Variants in SLC26A4 observed in about 807,000 individuals in gnomAD.
SLC26A4 encodes solute carrier family 26 member 4.
A neutral mutation model predicts 90.4 loss-of-function variants in SLC26A4; 93 were observed. The observed-to-expected ratio is 1.03, with a 90% confidence interval of 0.87 to 1.22. The LOEUF is 1.22. SLC26A4 is among the 50% of genes most tolerant of loss of function. The pLI is 0.00. For missense variants in SLC26A4, 1,127 were observed against 946.2 expected, an observed-to-expected ratio of 1.19 and a Z score of -2.51; for synonymous variants, 393 against 354.6, an observed-to-expected ratio of 1.11 and a Z score of -1.22.
intron 6 of SLC26A4, among the ~76,000 whole-genome samples, chr7:107,675,772 C>A (rs1337281166): frequency 6.6e-6 from 1 of 151,874 alleles, no homozygotes; most frequent in Non-Finnish European, 1.5e-5. Flanking sequence ...CAGGGTTTCA[C>A]CATTTGGGCC....
intron 20 of SLC26A4, among the ~76,000 whole-genome samples, chr7:107,714,463 C>T (rs1003051082): frequency 1.3e-5 from 2 of 152,132 alleles, no homozygotes; most frequent in Non-Finnish European, 2.9e-5. Flanking sequence ...TCTTGGCCCA[C>T]CAGCTTAGTG....
At chr7:107,703,528 T>A (rs1408584671) in intron 17 of SLC26A4, among the ~76,000 whole-genome samples, 2 of 152,240 alleles carry the variant, frequency 1.3e-5, no homozygotes, top group Non-Finnish European at 2.9e-5. Context: ...TTCTTTGTTG[T>A]ACATTTCACT....
chr7:107,664,839 C>A (rs562224902), intron 3 of SLC26A4, among the ~76,000 whole-genome samples: 5 of 152,104 alleles, frequency 3.3e-5, no homozygotes, highest in Admixed American at 1.3e-4. Context: ...ACCCCCAACA[C>A]CCTGACCAAT....
intron 17 of SLC26A4, among the ~76,000 whole-genome samples, chr7:107,702,951 C>A (rs1791938186): frequency 6.6e-6 from 1 of 152,026 alleles, no homozygotes; most frequent in Non-Finnish European, 1.5e-5. Context: ...AAGGTCAAAG[C>A]AAGAGTTGAG....
intron 6 of SLC26A4, among the ~76,000 whole-genome samples, chr7:107,680,251 TATTATATAATCTTATCTTATTATATA>T (rs1791182858): frequency 7.9e-6 from 1 of 126,818 alleles, no homozygotes; most frequent in African/African-American, 3.1e-5. Flanking sequence ...AATATAATCT[TATTATATAATCTTATCTTATTATATA>T]ATATAATCTT....
At chr7:107,706,996 C>T (rs554854213) in intron 18 of SLC26A4, among the ~76,000 whole-genome samples, 18 of 152,124 alleles carry the variant, frequency 1.2e-4, no homozygotes, top group South Asian at 4.1e-4. Flanking sequence ...GGCAAAACGC[C>T]GTTACTACAA....
rs1385727683 is a variant in SLC26A4, at chr7:107,674,346, CA to C, written c.599del (p.Gln200ArgfsTer2). On this transcript the variant is annotated frameshift_variant and splice_region_variant, in exon 5 of 21. Coordinates refer to ENST00000644269, the MANE Select transcript of SLC26A4 (RefSeq NM_000441.2). LOFTEE classifies it high-confidence loss of function. ...SALTLLVGII[Q>X]LIFGGLQIGF... is the part of the protein sequence containing the mutation. Reference sequence around the variant, plus strand: ...CCTGACTCTGCTGGTTGGAATTATACAGGTAATGAACTTACAAGTAAAATAT... The same window carrying C: ...CCTGACTCTGCTGGTTGGAATTATACGGTAATGAACTTACAAGTAAAATAT... The C allele has an allele frequency of 1.2e-6, 2 of 1,606,858 alleles. No individual in the cohort carries two copies. The highest frequency in any genetic ancestry group is 2.7e-5 in the African/African-American group (2 of 74,760).
rs1792376661 is a variant in SLC26A4 at position 107,717,494 on chromosome 7, C to A, written c.*2048C>A. The A allele has an allele frequency of 6.6e-6, 1 of 151,374 alleles. No individual in the cohort carries two copies. The highest frequency in any genetic ancestry group is 2.1e-4 in the South Asian group (1 of 4,770). 9.4% of individuals were successfully genotyped at this position (151,374 alleles called of 1,614,324 possible). ...AAGGAAATGCCAAAGTTACGTTTTA[C>A]AACAAGGCTAGAGTTTGTAAATTCT... On this transcript the variant is annotated 3_prime_UTR_variant, in exon 21 of 21. Transcript: ENST00000644269.
At chr7:107,678,985 C>A (rs1419233947) in intron 6 of SLC26A4, among the ~76,000 whole-genome samples, 1 of 152,052 alleles carries the variant, frequency 6.6e-6, no homozygotes, top group East Asian at 1.9e-4. Flanking sequence ...CCCTCTCCCC[C>A]AAAAAGGTGC....
chr7:107,662,010 C>G (rs371115718), intron 2 of SLC26A4: 1 of 606,416 alleles, frequency 1.6e-6, no homozygotes, highest in South Asian at 2.0e-5. Flanking sequence ...GTCTCGGGCC[C>G]GAAATGAACT....
Position 107,701,205 on chromosome 7 carries a change from A to T in SLC26A4, c.1803+9A>T. The T allele has an allele frequency of 6.6e-7, 1 of 1,519,770 alleles. No individual in the cohort carries two copies. The highest frequency in any genetic ancestry group is 9.1e-7 in the Non-Finnish European group (1 of 1,094,120). 94.1% of individuals were successfully genotyped at this position (1,519,770 alleles called of 1,614,324 possible). ...AATTAAGAGCAACAAAGGTGAGATG[A>T]CATCTTTCTTTTCCCCCTTAAATTA... is the stretch of plus-strand genomic sequence containing the variant. On this transcript the variant is annotated intron_variant, in intron 16 of 20. Coordinates refer to ENST00000644269, the MANE Select transcript of SLC26A4 (RefSeq NM_000441.2).
intron 6 of SLC26A4, among the ~76,000 whole-genome samples, chr7:107,676,058 C>T (rs940909961): frequency 3.8e-4 from 58 of 152,236 alleles, no homozygotes; most frequent in African/African-American, 1.3e-3. Context: ...GGTAAGTGAC[C>T]CTGGATACAT....
intron 6 of SLC26A4, among the ~76,000 whole-genome samples, chr7:107,678,922 T>C (rs1157637151): frequency 6.6e-6 from 1 of 152,226 alleles, no homozygotes; most frequent in African/African-American, 2.4e-5. Flanking sequence ...TAAAATACTT[T>C]ACCTGGAGTG....
chr7:107,694,099 A>G (rs1002073261), intron 10 of SLC26A4, among the ~76,000 whole-genome samples: 1 of 152,130 alleles, frequency 6.6e-6, no homozygotes, highest in Non-Finnish European at 1.5e-5. Flanking sequence ...GCCTGAATGG[A>G]CGCCGAAACC....
rs774036970 is a variant in SLC26A4, at chr7:107,667,087, G to A, written c.304+3652G>A. 2.9e-4 allele frequency among the ~76,000 whole-genome samples: 44 copies of A among 152,264 alleles called. 1 individual carries two copies. Among genetic ancestry groups the A allele is most frequent in the Non-Finnish European group, 5.1e-4 (35 of 68,018 alleles). The stretch of plus-strand genomic sequence containing the variant: ...TCATTTATCTAAATGGCAAAGACAG[G>A]CTGAGGAGCAGGTTTGGGATAGGAA... On this transcript the variant is annotated intron_variant, in intron 3 of 20. Coordinates refer to ENST00000644269, the MANE Select transcript of SLC26A4 (RefSeq NM_000441.2).
chr7:107,662,849 T>C (rs760078833), intron 2 of SLC26A4, among the ~76,000 whole-genome samples: 1 of 152,232 alleles, frequency 6.6e-6, no homozygotes, highest in African/African-American at 2.4e-5. Flanking sequence ...ACATTCCTCA[T>C]GCTAAGATTT....
chr7:107,715,814 G>A lies in SLC26A4; in HGVS notation c.*368G>A, dbSNP rs1248525243. ...CGAGTCACGAATGATTAATCATAAA[G>A]AAAAATCAGTTTTTGACTGACCTGG... On this transcript the variant is annotated 3_prime_UTR_variant, in exon 21 of 21. Transcript: ENST00000644269. 3.6e-6 allele frequency: 1 copy of A among 276,624 alleles called. No homozygotes were observed. 17.1% of individuals were successfully genotyped at this position (276,624 alleles called of 1,614,324 possible).
chr7:107,671,086 G>A (rs1374969168), intron 3 of SLC26A4, among the ~76,000 whole-genome samples: 1 of 152,152 alleles, frequency 6.6e-6, no homozygotes, highest in South Asian at 2.1e-4. Context: ...CCCTCAGAAC[G>A]CAGAGAAATA....
At chr7:107,670,796 T>C (rs916904653) in intron 3 of SLC26A4, among the ~76,000 whole-genome samples, 1 of 152,004 alleles carries the variant, frequency 6.6e-6, no homozygotes, top group African/African-American at 2.4e-5. Flanking sequence ...GGTGAGGAGG[T>C]AAAACGGAGT....
Sources: gnomAD v4.1 joint callset for allele counts (sites outside exome capture counted in the v4.1 genomes callset) on GRCh38, gnomAD v4.1.1 for gene constraint, MANE v1.5 for transcripts, NCBI Gene and HGNC (gene_info 2026-07-23, HGNC 2026-07-21) for gene names.